The following PHKA1 variants were observed in gnomAD, a reference collection of about 807,000 sequenced individuals.
PHKA1 encodes phosphorylase b kinase regulatory subunit alpha, skeletal muscle isoform.
PHKA1 carries 60 observed loss-of-function variants against 110.2 expected under a neutral mutation model. That is an observed-to-expected ratio of 0.54 (90% CI 0.44 to 0.68). The LOEUF (loss-of-function observed/expected upper bound fraction) is 0.68. PHKA1 is among the 30% of genes least tolerant of loss of function. PHKA1 has a pLI of 0.00. For missense variants in PHKA1, 801 were observed against 942.5 expected (o/e 0.85, Z 1.97); for synonymous variants, 316 against 333.6 (o/e 0.95, Z 0.58).
chrX:72,670,837 C>T (rs2053684126), intron 6 of PHKA1, among the ~76,000 whole-genome samples: 1 of 111,875 alleles, frequency 8.9e-6, no homozygotes, highest in South Asian at 3.8e-4. Flanking sequence ...ACAAAAACCG[C>T]ATGATTATCT....
chrX:72,638,907 G>C (rs1345492067), intron 14 of PHKA1, among the ~76,000 whole-genome samples: 4 of 111,800 alleles, frequency 3.6e-5, no homozygotes, highest in Non-Finnish European at 7.5e-5. Flanking sequence ...ACTGCACAGA[G>C]AATAGTGAGT....
intron 23 of PHKA1, among the ~76,000 whole-genome samples, chrX:72,606,379 C>T (rs931868621): frequency 1.8e-5 from 2 of 109,043 alleles, no homozygotes; most frequent in South Asian, 8.0e-4. Context: ...CACACACACA[C>T]GTATACACAC....
chrX:72,648,436 G>A (rs897166098), intron 13 of PHKA1, among the ~76,000 whole-genome samples: 1 of 111,583 alleles, frequency 9.0e-6, no homozygotes, highest in Non-Finnish European at 1.9e-5. Context: ...TGAAAACAGA[G>A]AAGGTGTGGA....
At chrX:72,619,134 A>G in intron 20 of PHKA1, 80 bp downstream of exon 20, 1 of 632,924 alleles carries the variant, frequency 1.6e-6, no homozygotes, top group African/African-American at 2.2e-5. Flanking sequence ...AACAAGAACC[A>G]TAATGACTAG....
intron 2 of PHKA1, chrX:72,709,439 T>C (rs1410870563): frequency 9.2e-6 from 1 of 108,220 alleles, no homozygotes; most frequent in Non-Finnish European, 1.9e-5. Flanking sequence ...AGAATTCTCT[T>C]CAATTCTCTG....
rs28376084 is a variant in PHKA1, at chrX:72,604,968, G to A, written c.2815+303C>T. 6.2e-4 allele frequency among the ~76,000 whole-genome samples: 69 copies of A among 111,517 alleles called. 1 individual carries two copies. The highest frequency in any genetic ancestry group is 1.1e-3 in the Non-Finnish European group (58 of 53,064). On this transcript the variant is annotated intron_variant, in intron 25 of 31. Transcript: ENST00000373542. ...CCTAAATCTTAACCCAACTCTGTCT[G>A]TCACACTCAAATACTCTCCAGAGTT...
At chrX:72,616,802 A>G (rs1556269953) in intron 21 of PHKA1, among the ~76,000 whole-genome samples, 1 of 112,293 alleles carries the variant, frequency 8.9e-6, no homozygotes, top group Non-Finnish European at 1.9e-5. Context: ...CATATCAAGT[A>G]TCTTTTCTGA....
At chrX:72,619,612 C>T (rs781914033) in intron 19 of PHKA1, among the ~76,000 whole-genome samples, 92 of 111,863 alleles carry the variant, frequency 8.2e-4, no homozygotes, top group Non-Finnish European at 1.2e-3. Context: ...TGATGGAATA[C>T]GACATATAAT....
At chrX:72,702,161 G>A (rs1330477086) in intron 3 of PHKA1, among the ~76,000 whole-genome samples, 1 of 111,585 alleles carries the variant, frequency 9.0e-6, no homozygotes, top group Non-Finnish European at 1.9e-5. Flanking sequence ...AAAAATAACA[G>A]TAATTGGCCA....
intron 13 of PHKA1, among the ~76,000 whole-genome samples, chrX:72,647,350 A>G: frequency 9.0e-6 from 1 of 111,472 alleles, no homozygotes; most frequent in East Asian, 2.8e-4. Context: ...TTAATGACAC[A>G]GGCATATAGG....
rs1556298650 is a variant in PHKA1, at chrX:72,650,493, GATT to G, written c.1246-28_1246-26del. The G allele has an allele frequency of 4.5e-6, 5 of 1,121,537 alleles. No homozygotes were observed. In the Admixed American group the frequency reaches 1.1e-4, roughly 25 times the overall value. 92.4% of individuals were successfully genotyped at this position (1,121,537 alleles called of 1,213,427 possible). A position where few individuals can be genotyped will look rare whatever the true frequency, so the allele number is the denominator to read the frequency against. The stretch of plus-strand genomic sequence containing the variant: ...CCTAAAGAAAAACCATAAAAAGACA[GATT>G]ATTAAGTCTCAAAAGAGAAACTAAT... On this transcript the variant is annotated intron_variant, in intron 12 of 31. Transcript: ENST00000373542.
chrX:72,590,175 T>C (rs1230014834), intron 29 of PHKA1, among the ~76,000 whole-genome samples: 2 of 111,501 alleles, frequency 1.8e-5, no homozygotes, highest in Non-Finnish European at 3.8e-5. Context: ...CATCAAACTA[T>C]ACTACAAGGC....
Position 72,695,696 on chromosome X carries a change from C to T in PHKA1, c.454+12G>A, listed in dbSNP as rs782609342. 16 of 1,206,970 alleles carry T rather than the reference C, an allele frequency of 1.3e-5. No homozygotes were observed. The South Asian group carries it at 2.3e-4, about 17-fold the overall frequency. On this transcript the variant is annotated intron_variant, in intron 4 of 31. Coordinates refer to ENST00000373542, the MANE Select transcript of PHKA1 (RefSeq NM_002637.4). ...GCTCAGGGGCTCCCAGCACTTCTCT[C>T]CTTGTACTGACCTGAGGCAGTCATT...
chrX:72,617,842 TA>T (rs201696827), intron 21 of PHKA1, among the ~76,000 whole-genome samples: 179 of 88,062 alleles, frequency 2.0e-3, no homozygotes, highest in East Asian at 9.5e-3. Context: ...ATAAAAAAAA[TA>T]AAAAAAAAAA....
At chrX:72,680,596 G>A (rs1445300018) in intron 5 of PHKA1, among the ~76,000 whole-genome samples, 1 of 108,154 alleles carries the variant, frequency 9.2e-6, no homozygotes, top group African/African-American at 3.6e-5. Flanking sequence ...AAAGTTTTTC[G>A]AGGGAGCCCG....
chrX:72,599,686 G>T, intron 28 of PHKA1: 1 of 351,263 alleles, frequency 2.8e-6, no homozygotes, highest in South Asian at 9.7e-5. Flanking sequence ...CCCCATATAT[G>T]AAATTGCTTT....
chrX:72,587,407 C>A (rs1311243045), intron 29 of PHKA1, among the ~76,000 whole-genome samples: 2 of 111,675 alleles, frequency 1.8e-5, no homozygotes, highest in Non-Finnish European at 3.8e-5. Flanking sequence ...ACCACCAGGC[C>A]TGCCTTACAA....
intron 21 of PHKA1, among the ~76,000 whole-genome samples, chrX:72,617,148 A>T (rs2052909499): frequency 8.9e-6 from 1 of 111,925 alleles, no homozygotes; most frequent in Non-Finnish European, 1.9e-5. Flanking sequence ...AACAATAAAC[A>T]TCAGAGTGGA....
intron 23 of PHKA1, among the ~76,000 whole-genome samples, chrX:72,606,486 T>C (rs999460652): frequency 9.0e-6 from 1 of 111,529 alleles, no homozygotes; most frequent in East Asian, 2.8e-4. Context: ...ACAAAACTGA[T>C]ACAAAAAAGA....
Sources: allele counts gnomAD v4.1 joint callset (sites outside exome capture counted in the v4.1 genomes callset), GRCh38; gene constraint gnomAD v4.1.1; transcripts MANE v1.5; gene names NCBI Gene and HGNC (gene_info 2026-07-23, HGNC 2026-07-21).